The following SOS2 variants were observed in gnomAD, a reference collection of about 807,000 sequenced individuals.
The protein encoded by SOS2 is son of sevenless homolog 2.
Under a neutral mutation model 148.2 loss-of-function variants are expected in SOS2, and 65 were observed. The ratio of observed to expected loss-of-function variants is 0.44; its 90% CI spans 0.36 to 0.54. SOS2 has a LOEUF of 0.54. SOS2 is among the 20% of genes least tolerant of loss of function. The pLI is 0.00. For missense variants in SOS2, 1,341 were observed against 1,590.2 expected (o/e 0.84, Z 2.67); for synonymous variants, 539 against 537.1 (o/e 1.00, Z -0.05).
chr14:50,174,695 G>C (rs1885468904), intron 7 of SOS2, 143 bp from the exon 8 acceptor site: 1 of 454,376 alleles, frequency 2.2e-6, no homozygotes, highest in Non-Finnish European at 4.0e-6. Context: ...TATTGAAACT[G>C]AAGTGCTATC....
rs1491093749 is a variant in SOS2, at chr14:50,180,532, TTA to T, written c.969+38_969+39del. ...AATAGTGAGATATTTATTTGCTTTA[TTA>T]AAAAAAAAAAAAAAAAAAACCTTCA... On this transcript the variant is annotated intron_variant, in intron 7 of 22. Transcript: ENST00000216373. The T allele has an allele frequency of 0.37, 167,760 of 455,926 alleles. 15,524 individuals carry two copies. Among genetic ancestry groups the T allele is most frequent in the Non-Finnish European group, 0.39 (117,356 of 302,392 alleles). The allele number at this position is 455,926 out of a possible 1,614,324, so 28.2% of individuals were successfully genotyped here.
intron 9 of SOS2, 90 bp downstream of exon 9, chr14:50,161,392 T>C: frequency 2.1e-6 from 2 of 965,748 alleles, no homozygotes; most frequent in Admixed American, 4.6e-5. Context: ...ATAATGTAAC[T>C]ATCACAATAA....
chr14:50,200,704 C>T (rs1167375202), intron 3 of SOS2, among the ~76,000 whole-genome samples: 1 of 151,460 alleles, frequency 6.6e-6, no homozygotes, highest in Non-Finnish European at 1.5e-5. Context: ...AAAGATGCCA[C>T]AAAATAATAG....
chr14:50,172,105 C>T (rs935617609), intron 8 of SOS2, among the ~76,000 whole-genome samples: 1 of 152,132 alleles, frequency 6.6e-6, no homozygotes. Context: ...GTTCATGCTG[C>T]TGTTTATGGA....
rs1469263438 is a variant in SOS2 at position 50,117,233 on chromosome 14, CTACTT to C, written c.*1106_*1110del. ...AGTAAATAAACAACGTGGCTTTTGGCTACTTTACAACTGCTGCTACAGCACTATCA... is the reference window on the plus strand; with the variant it reads ...AGTAAATAAACAACGTGGCTTTTGGCTACAACTGCTGCTACAGCACTATCA... On this transcript the variant is annotated 3_prime_UTR_variant, in exon 23 of 23. Coordinates refer to ENST00000216373, the MANE Select transcript of SOS2 (RefSeq NM_006939.4). 2 of 152,170 alleles carry C rather than the reference CTACTT, an allele frequency of 1.3e-5. No individual in the cohort carries two copies. Among genetic ancestry groups the C allele is most frequent in the African/African-American group, 4.8e-5 (2 of 41,434 alleles). 9.4% of individuals were successfully genotyped at this position (152,170 alleles called of 1,614,324 possible). A position where few individuals can be genotyped will look rare whatever the true frequency, so the allele number is the denominator to read the frequency against.
chr14:50,231,012 CAA>C (rs143575536), intron 1 of SOS2, 183 bp downstream of exon 1: 626 of 528,666 alleles, frequency 1.2e-3, no homozygotes, highest in East Asian at 5.1e-3. Flanking sequence ...CGGGACCAGG[CAA>C]AAAAAAAAAA....
chr14:50,221,865 G>C (rs1887213855), intron 1 of SOS2, among the ~76,000 whole-genome samples: 1 of 152,006 alleles, frequency 6.6e-6, no homozygotes, highest in Non-Finnish European at 1.5e-5. Context: ...CAGTTCAAAA[G>C]ACAGGTTTTA....
At chr14:50,217,836 G>A (rs1393395788) in intron 1 of SOS2, among the ~76,000 whole-genome samples, 4 of 152,084 alleles carry the variant, frequency 2.6e-5, no homozygotes, top group Admixed American at 2.0e-4. Flanking sequence ...GGCGCCTGTA[G>A]TCCCAGCTAC....
intron 1 of SOS2, among the ~76,000 whole-genome samples, chr14:50,220,627 G>A (rs1041332740): frequency 6.6e-5 from 10 of 151,876 alleles, no homozygotes; most frequent in African/African-American, 1.9e-4. Flanking sequence ...CCTCTCTTAC[G>A]TTTCTCTATT....
chr14:50,182,676 G>C, intron 5 of SOS2, 70 bp from the exon 6 acceptor site: 1 of 1,271,848 alleles, frequency 7.9e-7, no homozygotes, highest in Non-Finnish European at 1.1e-6. Context: ...TAAATATAAA[G>C]AGCAATATAG....
At chr14:50,143,627 A>AG (rs935492266) in intron 16 of SOS2, among the ~76,000 whole-genome samples, 4 of 152,054 alleles carry the variant, frequency 2.6e-5, no homozygotes, top group African/African-American at 9.7e-5. Context: ...CTTTTAGTAG[A>AG]GATGGGGTTT....
intron 7 of SOS2, among the ~76,000 whole-genome samples, chr14:50,175,023 T>C (rs550440016): frequency 1.3e-5 from 2 of 152,050 alleles, no homozygotes; most frequent in East Asian, 1.9e-4. Flanking sequence ...TACAACTTAA[T>C]TGACAAAGTC....
chr14:50,174,616 C>T, intron 7 of SOS2, 64 bp from the exon 8 acceptor site: 1 of 909,618 alleles, frequency 1.1e-6, no homozygotes, highest in Non-Finnish European at 1.7e-6. Flanking sequence ...AACAGCAGTG[C>T]CTAACAGAAA....
At chr14:50,130,056 T>C in intron 20 of SOS2, 54 bp from the exon 21 acceptor site, 1 of 1,069,718 alleles carries the variant, frequency 9.3e-7, no homozygotes, top group Non-Finnish European at 1.4e-6. Context: ...TAGGTATTAT[T>C]TTTTAAATGT....
At position 50,134,258 on chromosome 14, in the gene SOS2, C is replaced by A. The variant is rs1258145144; in HGVS notation, c.2959-19G>T. ...AGAATCTCTGGAATTAAACAAATAA[C>A]ACAAGTGCATATATAGTAAGTATAT... On this transcript the variant is annotated intron_variant, in intron 18 of 22. Coordinates refer to ENST00000216373, the MANE Select transcript of SOS2 (RefSeq NM_006939.4). 1 of 1,101,674 alleles carries A rather than the reference C, an allele frequency of 9.1e-7. No homozygotes were observed. Among genetic ancestry groups the A allele is most frequent in the African/African-American group, 1.6e-5 (1 of 63,894 alleles). 68.2% of individuals were successfully genotyped at this position (1,101,674 alleles called of 1,614,324 possible). A position where few individuals can be genotyped will look rare whatever the true frequency, so the allele number is the denominator to read the frequency against.
intron 1 of SOS2, among the ~76,000 whole-genome samples, chr14:50,214,123 T>C (rs1886971376): frequency 6.6e-6 from 1 of 151,970 alleles, no homozygotes; most frequent in Non-Finnish European, 1.5e-5. Context: ...TAACAAGCTT[T>C]GCAGAGCGAA....
At chr14:50,130,076 T>C in intron 20 of SOS2, 74 bp from the exon 21 acceptor site, 1 of 898,672 alleles carries the variant, frequency 1.1e-6, no homozygotes. Context: ...TTTCCATAAA[T>C]AATACGTAAT....
chr14:50,222,755 A>T (rs1887238244), intron 1 of SOS2, among the ~76,000 whole-genome samples: 1 of 152,218 alleles, frequency 6.6e-6, no homozygotes. Context: ...GAGAGGTAAA[A>T]GCGGGAGGTG....
Position 50,118,750 on chromosome 14 carries a change from CCATCAAATG to C in SOS2, c.3584_3592del (p.Ala1195_Asp1197del). The C allele has an allele frequency of 6.2e-7, 1 of 1,603,720 alleles. No individual in the cohort carries two copies. The highest frequency in any genetic ancestry group is 8.5e-7 in the Non-Finnish European group (1 of 1,176,432). ...TGGCGGAGGTGGACTATGCAGAGGCCCATCAAATGCACCAGTAGGAACAGGAACTCTGGG... is the reference window on the plus strand; with the variant it reads ...TGGCGGAGGTGGACTATGCAGAGGCCCACCAGTAGGAACAGGAACTCTGGG... On this transcript the variant is annotated inframe_deletion, in exon 23 of 23. Coordinates refer to ENST00000216373, the MANE Select transcript of SOS2 (RefSeq NM_006939.4).
Sources: gnomAD v4.1 joint callset for allele counts (sites outside exome capture counted in the v4.1 genomes callset) on GRCh38, gnomAD v4.1.1 for gene constraint, MANE v1.5 for transcripts, NCBI Gene and HGNC (gene_info 2026-07-23, HGNC 2026-07-21) for gene names.